The following FBXO32 variants were observed in gnomAD, a reference collection of about 807,000 sequenced individuals.
The protein encoded by FBXO32 is F-box only protein 32.
In FBXO32, 15 loss-of-function variants were observed where a neutral mutation model predicts 48.3. That is an observed-to-expected ratio of 0.31 (90% CI 0.21 to 0.48). The LOEUF is 0.48. Ranked by LOEUF, FBXO32 falls within the 20% of genes least tolerant of loss-of-function variation. The pLI is 0.99. For synonymous variants in FBXO32, 154 were observed against 165.9 expected (o/e 0.93, Z 0.55); for missense variants, 309 against 432.7 (o/e 0.71, Z 2.54).
At chr8:123,529,604 C>T (rs1817158077) in intron 4 of FBXO32, among the ~76,000 whole-genome samples, 1 of 152,182 alleles carries the variant, frequency 6.6e-6, no homozygotes, top group Non-Finnish European at 1.5e-5. Flanking sequence ...CTCCTCTGCT[C>T]ACAGATAACT....
chr8:123,505,855 T>C (rs1816605598), intron 7 of FBXO32, among the ~76,000 whole-genome samples: 2 of 152,108 alleles, frequency 1.3e-5, no homozygotes, highest in Non-Finnish European at 2.9e-5. Flanking sequence ...AAAATGAGAA[T>C]AGGTTAAGAA....
intron 4 of FBXO32, among the ~76,000 whole-genome samples, chr8:123,522,352 G>A (rs1250524267): frequency 6.6e-6 from 1 of 151,810 alleles, no homozygotes; most frequent in Non-Finnish European, 1.5e-5. Flanking sequence ...GGGACTACAA[G>A]TGCCTGCCAC....
chr8:123,518,494 A>G (rs921674629), intron 4 of FBXO32, among the ~76,000 whole-genome samples: 6 of 152,218 alleles, frequency 3.9e-5, no homozygotes, highest in African/African-American at 1.2e-4. Context: ...CTGTCATTTT[A>G]CTATGTTGGT....
chr8:123,531,483 G>T (rs1243524881), intron 4 of FBXO32, among the ~76,000 whole-genome samples: 1 of 152,200 alleles, frequency 6.6e-6, no homozygotes, highest in African/African-American at 2.4e-5. Flanking sequence ...AGAGATACAG[G>T]GTTTTGAAAC....
At position 123,525,976 on chromosome 8, in the gene FBXO32, C is replaced by T. The variant is rs1318693827; in HGVS notation, c.372+5922G>A. Among the ~76,000 whole-genome samples, 1 of 151,996 alleles carries T rather than the reference C, an allele frequency of 6.6e-6. No individual in the cohort carries two copies. The highest frequency in any genetic ancestry group is 1.9e-4 in the East Asian group (1 of 5,194). Reference sequence around the variant, plus strand: ...CTGCGTACTAGATAATATAGCCTCACACTCAAAGCCTCTTCTCAAGTCTGT... The same window carrying T: ...CTGCGTACTAGATAATATAGCCTCATACTCAAAGCCTCTTCTCAAGTCTGT... On this transcript the variant is annotated intron_variant, in intron 4 of 8. Coordinates refer to ENST00000517956, the MANE Select transcript of FBXO32 (RefSeq NM_058229.4). This position sits in a 1 kb window ranked among gnomAD's most constrained non-coding sequence, Gnocchi z 4.3.
intron 8 of FBXO32, among the ~76,000 whole-genome samples, chr8:123,503,967 T>C (rs1816556079): frequency 2.0e-5 from 3 of 151,662 alleles, no homozygotes; most frequent in African/African-American, 4.8e-5. Context: ...TAGTCCCAGA[T>C]ACTCGGGGAG....
At chr8:123,533,108 T>C in intron 3 of FBXO32, 83 bp downstream of exon 3, 1 of 1,026,440 alleles carries the variant, frequency 9.7e-7, no homozygotes, top group Non-Finnish European at 1.5e-6. Context: ...TCCGAAGTAA[T>C]TTCCCTCCCT....
chr8:123,509,073 G>A (rs1162143708), intron 6 of FBXO32, among the ~76,000 whole-genome samples: 1 of 152,128 alleles, frequency 6.6e-6, no homozygotes. Context: ...TACTGTCACT[G>A]TATTTGATTT....
chr8:123,531,999 G>C lies in FBXO32; in HGVS notation c.280-9C>G. On this transcript the variant is annotated splice_polypyrimidine_tract_variant and intron_variant, in intron 3 of 8. Coordinates refer to ENST00000517956, the MANE Select transcript of FBXO32 (RefSeq NM_058229.4). Reference sequence around the variant, plus strand: ...GTGCAATATCCATGGCGCTGAACATGAAAACAAAGGCACAGAAGTTACTCC... The same window carrying C: ...GTGCAATATCCATGGCGCTGAACATCAAAACAAAGGCACAGAAGTTACTCC... 6.2e-7 allele frequency: 1 copy of C among 1,613,892 alleles called. No individual in the cohort carries two copies. The highest frequency in any genetic ancestry group is 8.5e-7 in the Non-Finnish European group (1 of 1,179,920).
Position 123,525,718 on chromosome 8 carries a change from C to T in FBXO32, c.372+6180G>A, listed in dbSNP as rs554044792. 1.3e-5 allele frequency among the ~76,000 whole-genome samples: 2 copies of T among 152,332 alleles called. No individual in the cohort carries two copies. The highest frequency in any genetic ancestry group is 2.9e-5 in the Non-Finnish European group (2 of 68,032). ...TGTGCAAATCACCCAGTTCCCTGGC[C>T]TCTGCTTCCTCACCTCTAAAATGGG... On this transcript the variant is annotated intron_variant, in intron 4 of 8. Transcript: ENST00000517956. This position sits in a 1 kb window ranked among gnomAD's most constrained non-coding sequence, Gnocchi z 4.3.
Position 123,503,336 on chromosome 8 carries a change from A to C in FBXO32, c.*37T>G. On this transcript the variant is annotated 3_prime_UTR_variant, in exon 9 of 9. Coordinates refer to ENST00000517956, the MANE Select transcript of FBXO32 (RefSeq NM_058229.4). The stretch of plus-strand genomic sequence containing the variant: ...CCATATTCCCAGCTCTCCAGTCAGC[A>C]GGGGGACCCTTCTGAAGTGTTGTCA... The C allele has an allele frequency of 6.4e-7, 1 of 1,551,262 alleles. No individual in the cohort carries two copies. Among genetic ancestry groups the C allele is most frequent in the Non-Finnish European group, 8.9e-7 (1 of 1,123,064 alleles).
rs2130569104 is a variant in FBXO32, at chr8:123,540,938, A to G, written c.77T>C (p.Leu26Pro). The change falls in exon 1 of 9, where the codon CTG (leucine) becomes CCG (proline). Residue 26 changes from leucine (L) to proline (P), a missense_variant. Transcript: ENST00000517956. This position sits in a 1 kb window ranked among gnomAD's most constrained non-coding sequence, Gnocchi z 6.4. ...CACGAAACTGCCGCTCTTCTCATCC[A>G]GGAAGCGCTTCCAGCCGTCGGCCGT... is the stretch of plus-strand genomic sequence containing the variant. ...VKTADGWKRF[L>P]DEKSGSFVSD... is the part of the protein sequence containing the mutation. The G allele has an allele frequency of 6.2e-7, 1 of 1,613,434 alleles. No individual in the cohort carries two copies.
Position 123,522,142 on chromosome 8 carries a change from A to C in FBXO32, c.373-7809T>G, listed in dbSNP as rs181593842. 9.9e-5 allele frequency among the ~76,000 whole-genome samples: 15 copies of C among 152,084 alleles called. No homozygotes were observed. In the South Asian group the frequency reaches 2.7e-3, roughly 27 times the overall value. On this transcript the variant is annotated intron_variant, in intron 4 of 8. Coordinates refer to ENST00000517956, the MANE Select transcript of FBXO32 (RefSeq NM_058229.4). ...AAATAATAAGGAGAGCCAAGTTTACATGCATTAATTGTATTCTCAGCAGAG... is the reference window on the plus strand; with the variant it reads ...AAATAATAAGGAGAGCCAAGTTTACCTGCATTAATTGTATTCTCAGCAGAG...
At chr8:123,536,058 G>A (rs901770387) in intron 1 of FBXO32, among the ~76,000 whole-genome samples, 5 of 152,290 alleles carry the variant, frequency 3.3e-5, no homozygotes, top group Non-Finnish European at 7.4e-5. Flanking sequence ...AGTCTCTCAA[G>A]TAGCACTTCG....
At chr8:123,504,548 C>G in intron 8 of FBXO32, 56 bp downstream of exon 8, 2 of 1,492,752 alleles carry the variant, frequency 1.3e-6, no homozygotes, top group African/African-American at 1.4e-5. Context: ...GGCTGGCACT[C>G]TTGGCTCTTA....
At chr8:123,531,224 C>T (rs559395645) in intron 4 of FBXO32, among the ~76,000 whole-genome samples, 32 of 151,134 alleles carry the variant, frequency 2.1e-4, no homozygotes, top group African/African-American at 4.9e-4. Context: ...TCAGGTGATC[C>T]GCCCGCTTTG....
chr8:123,519,028 T>C (rs1356199440), intron 4 of FBXO32, among the ~76,000 whole-genome samples: 1 of 152,122 alleles, frequency 6.6e-6, no homozygotes, highest in Non-Finnish European at 1.5e-5. Context: ...GTCTTCCTAG[T>C]TACCCAGGCT....
intron 3 of FBXO32, 186 bp from the exon 4 acceptor site, chr8:123,532,176 A>ACAGCCAGCAGCTGCCT (rs1268766252): frequency 2.2e-6 from 3 of 1,372,886 alleles, no homozygotes; most frequent in Non-Finnish European, 1.9e-6. Context: ...GATGGGTAAC[A>ACAGCCAGCAGCTGCCT]CAGCCAGCAG....
chr8:123,528,559 GGGGA>G (rs1344525814), intron 4 of FBXO32, among the ~76,000 whole-genome samples: 7 of 152,210 alleles, frequency 4.6e-5, no homozygotes, highest in Admixed American at 2.0e-4. Flanking sequence ...GGGCTGTGTA[GGGGA>G]GGGAGCAGGG....
Sources: gnomAD v4.1 joint callset for allele counts (sites outside exome capture counted in the v4.1 genomes callset) on GRCh38, gnomAD v4.1.1 for gene constraint, Gnocchi (gnomAD v3.1) non-coding constraint, MANE v1.5 for transcripts, NCBI Gene and HGNC (gene_info 2026-07-23, HGNC 2026-07-21) for gene names.